Variants in LMNTD1 observed in about 807,000 individuals in gnomAD.
The protein encoded by LMNTD1 is lamin tail domain containing 1.
LMNTD1 carries 35 observed loss-of-function variants against 50.9 expected under a neutral mutation model. That is an observed-to-expected ratio of 0.69 (90% confidence interval 0.53 to 0.91). LMNTD1 has a LOEUF of 0.91. Ranked by LOEUF, LMNTD1 falls within the 40% of genes least tolerant of loss-of-function variation. LMNTD1 has a pLI of 0.00. For missense variants in LMNTD1, 470 were observed against 475.5 expected (o/e 0.99, Z 0.11); for synonymous variants, 153 against 161.9 (o/e 0.94, Z 0.42).
chr12:25,647,001 A>G (rs1281553651), intron 1 of LMNTD1, among the ~76,000 whole-genome samples: 3 of 152,228 alleles, frequency 2.0e-5, no homozygotes, highest in African/African-American at 7.2e-5. Context: ...AAAGTGGCAG[A>G]CTTTTCAAAT....
rs1337926950 is a variant in LMNTD1, at chr12:25,585,882, A to G, written c.59-39328T>C. On this transcript the variant is annotated intron_variant, in intron 1 of 7. Coordinates refer to the LMNTD1 transcript ENST00000445693. ...AAGAATTCTATAGCTGAATGAGATC[A>G]CAAACATTAGCTAGTTCAACTTTCA... The G allele has an allele frequency of 2.0e-5, 3 of 152,262 alleles. No individual in the cohort carries two copies. In the East Asian group the frequency reaches 5.8e-4, roughly 29 times the overall value. 9.4% of individuals were successfully genotyped at this position (152,262 alleles called of 1,614,324 possible). A position where few individuals can be genotyped will look rare whatever the true frequency, so the allele number is the denominator to read the frequency against.
chr12:25,631,747 C>T (rs981215327), intron 1 of LMNTD1, among the ~76,000 whole-genome samples: 1 of 152,114 alleles, frequency 6.6e-6, no homozygotes, highest in Non-Finnish European at 1.5e-5. Context: ...GGCCCTTTGA[C>T]ACCCCCCAAA....
intron 6 of LMNTD1, 61 bp downstream of exon 6, chr12:25,526,038 A>T (rs1409937209): frequency 7.3e-7 from 1 of 1,368,242 alleles, no homozygotes; most frequent in Non-Finnish European, 9.7e-7. Flanking sequence ...AAAAATACAG[A>T]TATGCTCAAT....
intron 8 of LMNTD1, among the ~76,000 whole-genome samples, chr12:25,516,788 A>T (rs1409483869): frequency 6.6e-6 from 1 of 151,810 alleles, no homozygotes; most frequent in Non-Finnish European, 1.5e-5. Flanking sequence ...AAATGGGAGA[A>T]AATTTTTGCA....
At chr12:25,556,554 G>A (rs1302578081), upstream of LMNTD1, among the ~76,000 whole-genome samples, 1 of 152,042 alleles carries the variant, frequency 6.6e-6, no homozygotes, top group Admixed American at 6.5e-5. Flanking sequence ...TTTCTGGTCT[G>A]GTCTCAAATC....
chr12:25,560,348 G>A (rs1249670222), intron 1 of LMNTD1, among the ~76,000 whole-genome samples: 1 of 152,176 alleles, frequency 6.6e-6, no homozygotes, highest in Non-Finnish European at 1.5e-5. Flanking sequence ...AGATCAGATA[G>A]TTGTAGATAT....
At chr12:25,636,290 T>TA (rs1946832515) in intron 1 of LMNTD1, among the ~76,000 whole-genome samples, 5 of 150,056 alleles carry the variant, frequency 3.3e-5, no homozygotes, top group South Asian at 2.1e-4. Flanking sequence ...ATCAGTAAGA[T>TA]TAAAAAAAAC....
intron 9 of LMNTD1, among the ~76,000 whole-genome samples, chr12:25,485,140 G>A (rs1305659732): frequency 4.8e-5 from 7 of 146,546 alleles, no homozygotes; most frequent in East Asian, 2.0e-4. Context: ...AAGTGTTCCT[G>A]TTTCTCCACA....
chr12:25,582,102 G>A (rs144834162), intron 1 of LMNTD1, among the ~76,000 whole-genome samples: 2,371 of 152,334 alleles, frequency 0.016, 35 homozygotes, highest in Non-Finnish European at 0.026. Flanking sequence ...TTTCTTCACT[G>A]AGGGAGAGGA....
intron 4 of LMNTD1, among the ~76,000 whole-genome samples, chr12:25,543,576 AT>A (rs760523853): frequency 1.1e-3 from 162 of 151,252 alleles, no homozygotes; most frequent in Non-Finnish European, 6.6e-4. Context: ...TTTGGTCTCA[AT>A]TTCATTTATT....
At chr12:25,533,878 AC>A (rs999152446) in intron 4 of LMNTD1, among the ~76,000 whole-genome samples, 1 of 152,300 alleles carries the variant, frequency 6.6e-6, no homozygotes, top group East Asian at 1.9e-4. Context: ...ATTGTTTTAA[AC>A]CAGAACCATT....
intron 6 of LMNTD1, among the ~76,000 whole-genome samples, chr12:25,522,192 C>CT (rs1555213808): frequency 0.017 from 2,611 of 151,976 alleles, 72 homozygotes; most frequent in African/African-American, 0.058. Context: ...TAGATTATGG[C>CT]AAAAAAATGG....
At chr12:25,491,017 T>C (rs7135119) in intron 9 of LMNTD1, among the ~76,000 whole-genome samples, 39,718 of 152,196 alleles carry the variant, frequency 0.26, 5,360 homozygotes, top group Middle Eastern at 0.34. Context: ...ACCATATGGC[T>C]CTTGCCAGAT....
intron 1 of LMNTD1, among the ~76,000 whole-genome samples, chr12:25,635,614 T>G (rs1946815266): frequency 6.6e-6 from 1 of 152,172 alleles, no homozygotes; most frequent in African/African-American, 2.4e-5. Flanking sequence ...CAATCATTCT[T>G]CACAGAATTA....
chr12:25,517,062 G>A (rs1211484170), intron 8 of LMNTD1, among the ~76,000 whole-genome samples: 1 of 79,734 alleles, frequency 1.3e-5, no homozygotes, highest in Non-Finnish European at 3.1e-5. Flanking sequence ...GAAACAACAG[G>A]TGCTGGAGAG....
At chr12:25,607,190 G>A (rs549400582) in intron 1 of LMNTD1, among the ~76,000 whole-genome samples, 128 of 152,168 alleles carry the variant, frequency 8.4e-4, no homozygotes, top group Admixed American at 1.8e-3. Flanking sequence ...CCTCTTTATC[G>A]TTTTTTATTG....
chr12:25,560,803 G>C (rs1814252728), intron 1 of LMNTD1, among the ~76,000 whole-genome samples: 1 of 152,118 alleles, frequency 6.6e-6, no homozygotes, highest in South Asian at 2.1e-4. Flanking sequence ...AATTGTGAAT[G>C]GGAGTTCACT....
intron 1 of LMNTD1, chr12:25,592,874 G>C (rs973574628): frequency 6.6e-6 from 1 of 152,192 alleles, no homozygotes; most frequent in South Asian, 2.1e-4. Flanking sequence ...GCTGTTGTAG[G>C]GGGTGGGCCA....
chr12:25,597,305 G>A (rs1945865054), intron 1 of LMNTD1, among the ~76,000 whole-genome samples: 1 of 151,992 alleles, frequency 6.6e-6, no homozygotes, highest in Non-Finnish European at 1.5e-5. Flanking sequence ...TGAAGGGATG[G>A]TAAAAGACAT....
Sources: allele counts gnomAD v4.1 joint callset (sites outside exome capture counted in the v4.1 genomes callset), GRCh38; gene constraint gnomAD v4.1.1; transcripts MANE v1.5; gene names NCBI Gene and HGNC (gene_info 2026-07-23, HGNC 2026-07-21).